The following GRM8 variants were observed in gnomAD, a reference collection of about 807,000 sequenced individuals.
The protein encoded by GRM8 is metabotropic glutamate receptor 8.
A neutral mutation model predicts 87.2 loss-of-function variants in GRM8; 47 were observed. That is an observed-to-expected ratio of 0.54 (90% CI 0.43 to 0.69). GRM8 has a LOEUF of 0.69. Among genes scored for constraint, GRM8 ranks in the 30% least tolerant of loss-of-function variants. GRM8 has a pLI of 0.00. For synonymous variants in GRM8, 396 were observed against 404.5 expected (o/e 0.98, Z 0.25); for missense variants, 1,019 against 1,139.2 (o/e 0.89, Z 1.52).
At chr7:126,958,211 C>A (rs1808936930) in intron 3 of GRM8, among the ~76,000 whole-genome samples, 1 of 152,106 alleles carries the variant, frequency 6.6e-6, no homozygotes, top group South Asian at 2.1e-4. Context: ...GGATGTGGGA[C>A]AAGAACTCAG....
At chr7:126,717,896 ATAGT>A (rs1445886892) in intron 7 of GRM8, among the ~76,000 whole-genome samples, 2 of 152,174 alleles carry the variant, frequency 1.3e-5, no homozygotes, top group African/African-American at 2.4e-5. Context: ...TCATAAGTAC[ATAGT>A]TAGATAGGTT....
intron 3 of GRM8, among the ~76,000 whole-genome samples, chr7:126,956,082 T>C (rs945524834): frequency 1.3e-5 from 2 of 152,192 alleles, no homozygotes; most frequent in African/African-American, 2.4e-5. Context: ...GGGACCAATT[T>C]TGGTATATTA....
At chr7:126,725,501 T>C (rs976809981) in intron 7 of GRM8, among the ~76,000 whole-genome samples, 2 of 152,190 alleles carry the variant, frequency 1.3e-5, no homozygotes, top group African/African-American at 4.8e-5. Context: ...TCTAAAGCCC[T>C]GACTGTAACA....
At chr7:127,016,419 C>T (rs1055544801) in intron 3 of GRM8, among the ~76,000 whole-genome samples, 18 of 151,830 alleles carry the variant, frequency 1.2e-4, no homozygotes, top group Non-Finnish European at 1.8e-4. Context: ...GTGTGTAATC[C>T]CCATAATCAA....
chr7:126,652,347 G>A (rs370696460), intron 7 of GRM8, among the ~76,000 whole-genome samples: 3 of 152,104 alleles, frequency 2.0e-5, no homozygotes, highest in East Asian at 1.9e-4. Flanking sequence ...ATGGGTTCAA[G>A]TCGACAAGGC....
intron 3 of GRM8, among the ~76,000 whole-genome samples, chr7:126,956,557 C>T (rs1415294663): frequency 2.6e-5 from 4 of 152,144 alleles, no homozygotes; most frequent in African/African-American, 7.2e-5. Flanking sequence ...CATATATATA[C>T]ATGTGCCATG....
chr7:127,084,043 T>C (rs945723882), intron 3 of GRM8, among the ~76,000 whole-genome samples: 2 of 152,176 alleles, frequency 1.3e-5, no homozygotes. Flanking sequence ...AGAGAATACA[T>C]TTGTGGCTTA....
intron 7 of GRM8, among the ~76,000 whole-genome samples, chr7:126,758,337 C>T (rs1817234159): frequency 1.3e-5 from 2 of 152,184 alleles, no homozygotes; most frequent in Admixed American, 6.5e-5. Context: ...ATTATTTTTT[C>T]CATCCAAAGA....
chr7:126,741,106 G>A (rs1814918888), intron 7 of GRM8, among the ~76,000 whole-genome samples: 1 of 152,054 alleles, frequency 6.6e-6, no homozygotes, highest in African/African-American at 2.4e-5. Context: ...CCAGTGAGAC[G>A]TGGCTACAGA....
At chr7:127,136,953 A>G (rs1827975857) in intron 2 of GRM8, among the ~76,000 whole-genome samples, 1 of 152,086 alleles carries the variant, frequency 6.6e-6, no homozygotes, top group South Asian at 2.1e-4. Flanking sequence ...ATATTTCTGA[A>G]AAAAAAGAAT....
intron 3 of GRM8, among the ~76,000 whole-genome samples, chr7:126,968,625 T>A (rs1810106716): frequency 6.6e-6 from 1 of 152,184 alleles, no homozygotes; most frequent in South Asian, 2.1e-4. Flanking sequence ...TCACAAAATT[T>A]TAGGAGAAAC....
At chr7:127,162,991 G>T (rs1184077471) in intron 2 of GRM8, among the ~76,000 whole-genome samples, 1 of 152,088 alleles carries the variant, frequency 6.6e-6, no homozygotes, top group South Asian at 2.1e-4. Context: ...GATGGGTGGG[G>T]CCCAAAGAAA....
At chr7:126,764,489 A>G (rs1304866974) in intron 7 of GRM8, among the ~76,000 whole-genome samples, 1 of 152,074 alleles carries the variant, frequency 6.6e-6, no homozygotes, top group East Asian at 1.9e-4. Context: ...GATAGCTTAA[A>G]GGTATTTTAT....
chr7:127,051,738 G>GAAAAAAAAAAA (rs1563454593), intron 3 of GRM8, among the ~76,000 whole-genome samples: 1 of 13,050 alleles, frequency 7.7e-5, no homozygotes, highest in Non-Finnish European at 1.9e-4. Flanking sequence ...ATAATGTTGA[G>GAAAAAAAAAAA]CAAAAAAAAA....
At chr7:127,226,288 A>G (rs1056124558) in intron 2 of GRM8, among the ~76,000 whole-genome samples, 2 of 152,242 alleles carry the variant, frequency 1.3e-5, no homozygotes, top group African/African-American at 4.8e-5. Flanking sequence ...TGTAGAGGGC[A>G]GAGTCAGGGT....
chr7:127,118,225 G>A (rs1826817535), intron 2 of GRM8: 1 of 152,126 alleles, frequency 6.6e-6, no homozygotes, highest in Admixed American at 6.6e-5. Context: ...TTACACAGGG[G>A]GAAAACCCAC....
chr7:126,509,937 T>C (rs1037218613), intron 9 of GRM8, among the ~76,000 whole-genome samples: 7 of 152,010 alleles, frequency 4.6e-5, no homozygotes, highest in African/African-American at 1.7e-4. Context: ...ATTATTCCCA[T>C]TGTTGTCATT....
At chr7:126,511,274 A>C (rs1312440033) in intron 9 of GRM8, 3 of 152,028 alleles carry the variant, frequency 2.0e-5, no homozygotes, top group Non-Finnish European at 4.4e-5. Context: ...TCTGGTTTAC[A>C]CCTATATCAA....
At chr7:126,846,529 G>A (rs918361120) in intron 6 of GRM8, among the ~76,000 whole-genome samples, 1 of 152,224 alleles carries the variant, frequency 6.6e-6, no homozygotes, top group African/African-American at 2.4e-5. Context: ...AAAATTTTCT[G>A]TAATGAGTTT....
Sources: gnomAD v4.1 joint callset for allele counts (sites outside exome capture counted in the v4.1 genomes callset) on GRCh38, gnomAD v4.1.1 for gene constraint, MANE v1.5 for transcripts, NCBI Gene and HGNC (gene_info 2026-07-23, HGNC 2026-07-21) for gene names.